SRGAP3: variants seen among roughly 807,000 people sequenced by gnomAD.
The protein encoded by SRGAP3 is SLIT-ROBO Rho GTPase activating protein 3.
A neutral mutation model predicts 121.1 loss-of-function variants in SRGAP3; 39 were observed. That is an observed-to-expected ratio of 0.32 (90% CI 0.25 to 0.42). The LOEUF is 0.42. Among genes scored for constraint, SRGAP3 ranks in the 10% least tolerant of loss-of-function variants. The pLI is 1.00. For missense variants in SRGAP3, 1,213 were observed against 1,470.6 expected (o/e 0.82, Z 2.86); for synonymous variants, 601 against 570.0 (o/e 1.05, Z -0.77).
At chr3:9,119,055 G>A (rs1338611530) in intron 2 of SRGAP3, among the ~76,000 whole-genome samples, 1 of 152,196 alleles carries the variant, frequency 6.6e-6, no homozygotes, top group African/African-American at 2.4e-5. Context: ...CCCGGGTCAA[G>A]AGTCACCCTC....
chr3:9,089,879 G>A (rs892308381), intron 3 of SRGAP3, among the ~76,000 whole-genome samples: 4 of 152,080 alleles, frequency 2.6e-5, no homozygotes, highest in Admixed American at 6.6e-5. Context: ...TCTTTGGGAC[G>A]TTTCTCATAA....
chr3:9,148,589 T>C (rs1950103498), intron 1 of SRGAP3, among the ~76,000 whole-genome samples: 1 of 152,222 alleles, frequency 6.6e-6, no homozygotes, highest in Non-Finnish European at 1.5e-5. Flanking sequence ...TGATATTTTT[T>C]TGAAATCCAT....
At chr3:9,204,048 T>C (rs1316792598) in intron 1 of SRGAP3, among the ~76,000 whole-genome samples, 4 of 152,168 alleles carry the variant, frequency 2.6e-5, no homozygotes, top group Non-Finnish European at 2.9e-5. Context: ...TAGGAAGCAC[T>C]TGTCTCCACC....
At chr3:9,121,181 C>T (rs1313224114) in intron 2 of SRGAP3, among the ~76,000 whole-genome samples, 5 of 152,178 alleles carry the variant, frequency 3.3e-5, no homozygotes, top group Non-Finnish European at 7.4e-5. Context: ...CCTCCTTCCT[C>T]CCTCCCACCC....
chr3:8,990,792 C>A lies in SRGAP3; in HGVS notation c.2606G>T (p.Gly869Val). Residue 869 changes from glycine to valine, a missense_variant, in exon 21 of 22, where the codon GGG becomes GTG. By Grantham distance (109) the Gly-to-Val change is moderately radical (BLOSUM62 -3). Coordinates refer to ENST00000383836, the MANE Select transcript of SRGAP3 (RefSeq NM_014850.4). ...DGAAIPRRRS[G>V]GDTHSPPRGL... ...CCGGGGCGGGCTGTGTGTGTCGCCC[C>A]CGCTTCGGCGTCTGGGGATGGCTGC... 1 of 1,590,492 alleles carries A rather than the reference C, an allele frequency of 6.3e-7. No individual in the cohort carries two copies.
intron 3 of SRGAP3, among the ~76,000 whole-genome samples, chr3:9,277,229 C>T (rs1954601356): frequency 6.6e-6 from 1 of 152,132 alleles, no homozygotes. Flanking sequence ...CTCTCTGACT[C>T]ATAGGTTTTA....
At chr3:9,174,669 G>T (rs1233609736) in intron 1 of SRGAP3, among the ~76,000 whole-genome samples, 1 of 152,328 alleles carries the variant, frequency 6.6e-6, no homozygotes, top group Non-Finnish European at 1.5e-5. Context: ...TTCCAGCCTC[G>T]CCTGACCTTG....
chr3:9,312,928 G>C (rs1434342920), intron 3 of SRGAP3, among the ~76,000 whole-genome samples: 1 of 152,210 alleles, frequency 6.6e-6, no homozygotes, highest in Non-Finnish European at 1.5e-5. Flanking sequence ...GGAGTTCAAG[G>C]TTACAGTGAG....
intron 1 of SRGAP3, among the ~76,000 whole-genome samples, chr3:9,158,251 T>G (rs1021723434): frequency 2.6e-5 from 4 of 152,136 alleles, no homozygotes; most frequent in Admixed American, 2.0e-4. Flanking sequence ...GCTGGTTCTT[T>G]ACAAGGAGGT....
chr3:9,127,513 T>C (rs916730692), intron 1 of SRGAP3, among the ~76,000 whole-genome samples: 4 of 152,144 alleles, frequency 2.6e-5, no homozygotes, highest in African/African-American at 9.7e-5. Context: ...AGCGGCCCGA[T>C]CTCCACTCAC....
chr3:9,037,709 G>A (rs960770033), intron 11 of SRGAP3: 3 of 380,272 alleles, frequency 7.9e-6, no homozygotes, highest in Non-Finnish European at 1.5e-5. Context: ...GGTGGGAAGA[G>A]AGGTCAACAG....
chr3:9,187,575 C>A (rs1360025411), intron 1 of SRGAP3, among the ~76,000 whole-genome samples: 1 of 152,184 alleles, frequency 6.6e-6, no homozygotes, highest in African/African-American at 2.4e-5. Flanking sequence ...AAGAAGTCAG[C>A]CACTGTCTCT....
chr3:9,015,633 G>C lies in SRGAP3; in HGVS notation c.1777C>G (p.Pro593Ala). 6.2e-7 allele frequency: 1 copy of C among 1,614,112 alleles called. No individual in the cohort carries two copies. Among genetic ancestry groups the C allele is most frequent in the Non-Finnish European group, 8.5e-7 (1 of 1,180,008 alleles). ...YFRGLENPLF[P>A]KERFQDLIST... ...ATCAAATCTTGAAACCTTTCCTTAG[G>C]AAAGAGTGGGTTTTCCAGTCCTCGG... is the stretch of plus-strand genomic sequence containing the variant. The change falls in exon 15 of 22, where the codon CCT (proline) becomes GCT (alanine). Residue 593 changes from proline to alanine, a missense_variant. By Grantham distance (27) the Pro-to-Ala change is conservative. Coordinates refer to ENST00000383836, the MANE Select transcript of SRGAP3 (RefSeq NM_014850.4).
intron 17 of SRGAP3, among the ~76,000 whole-genome samples, chr3:9,010,633 G>A (rs754993788): frequency 5.9e-5 from 9 of 152,136 alleles, no homozygotes; most frequent in South Asian, 2.1e-4. Flanking sequence ...GGAATTTGCT[G>A]AGCTGTCTTC....
intron 4 of SRGAP3, among the ~76,000 whole-genome samples, chr3:9,075,427 A>G (rs1414142233): frequency 1.3e-5 from 2 of 152,144 alleles, no homozygotes; most frequent in African/African-American, 2.4e-5. Flanking sequence ...CCATGCTAGC[A>G]TGTTTTAAAG....
intron 3 of SRGAP3, among the ~76,000 whole-genome samples, chr3:9,100,250 C>CT (rs1457706753): frequency 6.6e-6 from 1 of 152,212 alleles, no homozygotes; most frequent in Non-Finnish European, 1.5e-5. Flanking sequence ...CCCACTGGCT[C>CT]TTACCTTTCT....
At chr3:9,197,810 C>G (rs1184162617) in intron 1 of SRGAP3, among the ~76,000 whole-genome samples, 1 of 152,214 alleles carries the variant, frequency 6.6e-6, no homozygotes, top group African/African-American at 2.4e-5. Flanking sequence ...AATCAAATAA[C>G]ATTGTGTTAA....
intron 1 of SRGAP3, among the ~76,000 whole-genome samples, chr3:9,136,437 G>T (rs1379657305): frequency 9.3e-6 from 1 of 107,326 alleles, no homozygotes; most frequent in African/African-American, 3.6e-5. Flanking sequence ...CGCGCGCCAC[G>T]TGCAGCAGCC....
chr3:9,092,942 T>A (rs188052016), intron 3 of SRGAP3, among the ~76,000 whole-genome samples: 4 of 152,246 alleles, frequency 2.6e-5, no homozygotes, highest in African/African-American at 9.6e-5. Context: ...GTCCCTGATG[T>A]CGATGTTTTA....
Sources: gnomAD v4.1 joint callset for allele counts (sites outside exome capture counted in the v4.1 genomes callset) on GRCh38, gnomAD v4.1.1 for gene constraint, MANE v1.5 for transcripts, NCBI Gene and HGNC (gene_info 2026-07-23, HGNC 2026-07-21) for gene names.